TMEM140: variants seen among roughly 807,000 people sequenced by gnomAD.
TMEM140 encodes the protein transmembrane protein 140.
For synonymous variants in TMEM140, 107 were observed against 106.8 expected (o/e 1.00, Z -0.01); for missense variants, 236 against 228.5 (o/e 1.03, Z -0.21).
Position 135,151,109 on chromosome 7 carries a change from C to T in TMEM140, c.-25+2839C>T, listed in dbSNP as rs1038861856. On this transcript the variant is annotated intron_variant, in intron 1 of 1. Transcript: ENST00000275767. The surrounding 1 kb of genome is among the most constrained non-coding windows in gnomAD (Gnocchi z 4.3). The stretch of plus-strand genomic sequence containing the variant: ...TATGTTATAATCTCATGGTATAGTC[C>T]TATTTTGTCTGATAAAGCTGTTTTA... 6.6e-6 allele frequency among the ~76,000 whole-genome samples: 1 copy of T among 152,082 alleles called. No individual in the cohort carries two copies. Among genetic ancestry groups the T allele is most frequent in the African/African-American group, 2.4e-5 (1 of 41,400 alleles).
Position 135,165,961 on chromosome 7 carries a change from C to G in TMEM140, c.*962C>G, listed in dbSNP as rs912815262. On this transcript the variant is annotated 3_prime_UTR_variant, in exon 2 of 2. Coordinates refer to ENST00000275767, the MANE Select transcript of TMEM140 (RefSeq NM_018295.5). ...GGCTCCTGTCCCTCTTGCTTTATAG[C>G]TAGCTGCCCGGGGACCAAGGTACAG... The G allele has an allele frequency of 3.1e-5, 5 of 163,618 alleles. No individual in the cohort carries two copies. The highest frequency in any genetic ancestry group is 1.2e-4 in the African/African-American group (5 of 41,432). The allele number at this position is 163,618 out of a possible 1,614,324, so 10.1% of individuals were successfully genotyped here. A position where few individuals can be genotyped will look rare whatever the true frequency, so the allele number is the denominator to read the frequency against.
chr7:135,153,508 C>A (rs1306218680), intron 1 of TMEM140, among the ~76,000 whole-genome samples: 1 of 149,680 alleles, frequency 6.7e-6, no homozygotes, highest in Non-Finnish European at 1.5e-5. Context: ...CAGATGTCGT[C>A]AAGGATGTGG....
rs1201569106 is a variant in TMEM140 at position 135,164,720 on chromosome 7, C to A, written c.279C>A (p.Leu93=). ...TTGGCGTGTACGGGTCCCTGGTCCT[C>A]ACCCTCTTTGCCCCCCAGCCTCTCC... ...ARLGVYGSLV[L]TLFAPQPLLL... is the part of the protein sequence containing the mutation. Residue 93 remains leucine, a synonymous_variant, in exon 2 of 2, where the codon CTC becomes CTA. Transcript: ENST00000275767. 6.2e-7 allele frequency: 1 copy of A among 1,614,132 alleles called. No homozygotes were observed. The highest frequency in any genetic ancestry group is 8.5e-7 in the Non-Finnish European group (1 of 1,180,048).
intron 1 of TMEM140, among the ~76,000 whole-genome samples, chr7:135,157,609 C>G (rs1829827266): frequency 6.6e-6 from 1 of 152,234 alleles, no homozygotes; most frequent in Non-Finnish European, 1.5e-5. Context: ...GGCATGATCT[C>G]TAGCCCCTGA....
At chr7:135,149,605 C>T (rs1829622209) in intron 1 of TMEM140, among the ~76,000 whole-genome samples, 1 of 152,124 alleles carries the variant, frequency 6.6e-6, no homozygotes, top group African/African-American at 2.4e-5. Context: ...GCCAATCTGC[C>T]TCCCTGAAAG....
Position 135,164,535 on chromosome 7 carries a change from C to T in TMEM140, c.94C>T (p.Leu32Phe), listed in dbSNP as rs1247197061. ...IVVICLMFYA[L>F]LWEAGNLTDL... The stretch of plus-strand genomic sequence containing the variant: ...GGTCATCTGCCTGATGTTTTACGCT[C>T]TTCTCTGGGAGGCTGGCAACCTCAC... Residue 32 changes from leucine to phenylalanine, a missense_variant, in exon 2 of 2, where the codon CTT becomes TTT. Transcript: ENST00000275767. 4 of 1,614,198 alleles carry T rather than the reference C, an allele frequency of 2.5e-6. No homozygotes were observed. In the South Asian group the frequency reaches 3.3e-5, roughly 13 times the overall value.
intron 1 of TMEM140, among the ~76,000 whole-genome samples, chr7:135,163,705 G>GA (rs1438273004): frequency 4.6e-5 from 7 of 152,142 alleles, no homozygotes; most frequent in Non-Finnish European, 8.8e-5. Context: ...CCATTGTCAG[G>GA]AAAAAATATG....
chr7:135,152,614 C>A (rs1316625334), intron 1 of TMEM140, among the ~76,000 whole-genome samples: 3 of 152,188 alleles, frequency 2.0e-5, no homozygotes, highest in Non-Finnish European at 4.4e-5. Context: ...ATTTTGAGGT[C>A]TGTTTTTAAT....
chr7:135,152,432 T>C (rs921881296), intron 1 of TMEM140, among the ~76,000 whole-genome samples: 1 of 152,250 alleles, frequency 6.6e-6, no homozygotes, highest in African/African-American at 2.4e-5. Flanking sequence ...GGCTCCATCA[T>C]TCACTGGCTG....
In TMEM140 at chr7:135,165,484, G is replaced by A. The variant is rs1385605509; in HGVS notation, c.*485G>A. On this transcript the variant is annotated 3_prime_UTR_variant, in exon 2 of 2. Coordinates refer to ENST00000275767, the MANE Select transcript of TMEM140 (RefSeq NM_018295.5). ...AGGAGCTTCCACTCAGCCCACCATAGTGAGTGGGCCGCCATAAGCCATCAC... is the reference window on the plus strand; with the variant it reads ...AGGAGCTTCCACTCAGCCCACCATAATGAGTGGGCCGCCATAAGCCATCAC... The A allele has an allele frequency of 5.9e-6, 1 of 170,314 alleles. No individual in the cohort carries two copies. Among genetic ancestry groups the A allele is most frequent in the Non-Finnish European group, 1.4e-5 (1 of 70,218 alleles). The allele number at this position is 170,314 out of a possible 1,614,324, so 10.6% of individuals were successfully genotyped here. A position where few individuals can be genotyped will look rare whatever the true frequency, so the allele number is the denominator to read the frequency against.
At position 135,165,801 on chromosome 7, in the gene TMEM140, G is replaced by A. The variant is rs1190726613; in HGVS notation, c.*802G>A. 1 of 166,768 alleles carries A rather than the reference G, an allele frequency of 6.0e-6. No individual in the cohort carries two copies. Among genetic ancestry groups the A allele is most frequent in the East Asian group, 1.9e-4 (1 of 5,208 alleles). 10.3% of individuals were successfully genotyped at this position (166,768 alleles called of 1,614,324 possible). On this transcript the variant is annotated 3_prime_UTR_variant, in exon 2 of 2. Coordinates refer to ENST00000275767, the MANE Select transcript of TMEM140 (RefSeq NM_018295.5). Reference sequence around the variant, plus strand: ...CAACTTACGCATTGGGGAATTGTGTGTATTTTCTAGCACTTGTGTATTGGA... The same window carrying A: ...CAACTTACGCATTGGGGAATTGTGTATATTTTCTAGCACTTGTGTATTGGA...
At chr7:135,159,407 T>C (rs573676496) in intron 1 of TMEM140, among the ~76,000 whole-genome samples, 2 of 152,344 alleles carry the variant, frequency 1.3e-5, no homozygotes, top group South Asian at 4.1e-4. Flanking sequence ...AGTATGAAAA[T>C]GTTAGAGGTG....
chr7:135,149,147 C>A (rs1829612454), intron 1 of TMEM140, among the ~76,000 whole-genome samples: 1 of 152,092 alleles, frequency 6.6e-6, no homozygotes, highest in Non-Finnish European at 1.5e-5. Flanking sequence ...CCTGCTTTAT[C>A]TAATTACTAA....
chr7:135,163,266 A>T (rs1829993874), intron 1 of TMEM140, among the ~76,000 whole-genome samples: 1 of 152,268 alleles, frequency 6.6e-6, no homozygotes, highest in Non-Finnish European at 1.5e-5. Context: ...ACATCAGTAC[A>T]GGAAGAAAAT....
intron 1 of TMEM140, among the ~76,000 whole-genome samples, chr7:135,155,662 G>A (rs1450567571): frequency 1.3e-5 from 2 of 152,212 alleles, no homozygotes; most frequent in South Asian, 2.1e-4. Flanking sequence ...ACCAACCGGG[G>A]CAAAATAGCA....
At position 135,164,101 on chromosome 7, in the gene TMEM140, C is replaced by G. The variant is rs3800593; in HGVS notation, c.-24-317C>G. Among the ~76,000 whole-genome samples, 4 of 152,370 alleles carry G rather than the reference C, an allele frequency of 2.6e-5. No homozygotes were observed. In the East Asian group the frequency reaches 7.7e-4, roughly 29 times the overall value. Reference sequence around the variant, plus strand: ...CTGAGAAATCCCCTCACTAATGTTTCCAATGGCTTGTTGTATTTGGACTGG... The same window carrying G: ...CTGAGAAATCCCCTCACTAATGTTTGCAATGGCTTGTTGTATTTGGACTGG... On this transcript the variant is annotated intron_variant, in intron 1 of 1. Transcript: ENST00000275767.
intron 1 of TMEM140, among the ~76,000 whole-genome samples, chr7:135,162,757 C>A (rs1460480958): frequency 6.6e-6 from 1 of 152,180 alleles, no homozygotes; most frequent in Non-Finnish European, 1.5e-5. Context: ...AGGGACACAG[C>A]CAAACCATAT....
At position 135,164,630 on chromosome 7, in the gene TMEM140, G is replaced by A. The variant is rs1372992655; in HGVS notation, c.189G>A (p.Gln63=). 6 of 1,613,634 alleles carry A rather than the reference G, an allele frequency of 3.7e-6. No homozygotes were observed. The highest frequency in any genetic ancestry group is 5.1e-6 in the Non-Finnish European group (6 of 1,179,600). Residue 63 remains glutamine (Q), a synonymous_variant, in exon 2 of 2, where the codon CAG becomes CAA. Coordinates refer to ENST00000275767, the MANE Select transcript of TMEM140 (RefSeq NM_018295.5). Reference sequence around the variant, plus strand: ...GGAATGAGGACACCAGCACCCTACAGTGTCACCAGTTCCCTGAGCTGGAAG... The same window carrying A: ...GGAATGAGGACACCAGCACCCTACAATGTCACCAGTTCCCTGAGCTGGAAG... ...CLWNEDTSTL[Q]CHQFPELEAL...
intron 1 of TMEM140, among the ~76,000 whole-genome samples, chr7:135,163,415 G>C (rs1050904059): frequency 1.3e-5 from 2 of 152,160 alleles, no homozygotes; most frequent in Non-Finnish European, 2.9e-5. Flanking sequence ...GCCAAGGTGG[G>C]TGGATCATTT....
Sources: gnomAD v4.1 joint callset for allele counts (sites outside exome capture counted in the v4.1 genomes callset) on GRCh38, gnomAD v4.1.1 for gene constraint, Gnocchi (gnomAD v3.1) non-coding constraint, MANE v1.5 for transcripts, NCBI Gene and HGNC (gene_info 2026-07-23, HGNC 2026-07-21) for gene names.